DSCAM: variants seen among roughly 807,000 people sequenced by gnomAD.
DSCAM encodes the protein cell adhesion molecule DSCAM.
DSCAM carries 47 observed loss-of-function variants against 217.7 expected under a neutral mutation model. The observed-to-expected ratio is 0.22, with a 90% CI of 0.17 to 0.28. The LOEUF is 0.28. DSCAM is among the 10% of genes least tolerant of loss of function. DSCAM has a pLI of 1.00. For missense variants in DSCAM, 2,080 were observed against 2,618.3 expected, an observed-to-expected ratio of 0.79 and a Z score of 4.49; for synonymous variants, 1,056 against 1,015.3, an observed-to-expected ratio of 1.04 and a Z score of -0.76.
At chr21:40,650,943 G>A (rs1213001837) in intron 3 of DSCAM, among the ~76,000 whole-genome samples, 1 of 152,142 alleles carries the variant, frequency 6.6e-6, no homozygotes, top group African/African-American at 2.4e-5. Context: ...GAAAGGTGGA[G>A]CCTGGAGAGT....
Position 40,347,924 on chromosome 21 carries a change from C to G in DSCAM, c.956G>C (p.Ser319Thr). The G allele has an allele frequency of 6.2e-7, 1 of 1,612,940 alleles. No homozygotes were observed. Among genetic ancestry groups the G allele is most frequent in the Non-Finnish European group, 8.5e-7 (1 of 1,179,146 alleles). ...CACGCTGCTTTTAACCTTCCTGGGA[C>G]TGATGGTGGCTTTCAGTGGCTCTGG... The part of the protein sequence containing the change: ...YVKQPLKATI[S>T]PRKVKSSVGS... Residue 319 changes from serine to threonine, a missense_variant, in exon 6 of 33, where the codon AGT (serine) becomes ACT (threonine). Transcript: ENST00000400454.
chr21:40,691,607 C>T (rs1033330860), intron 3 of DSCAM, among the ~76,000 whole-genome samples: 3 of 152,216 alleles, frequency 2.0e-5, no homozygotes, highest in African/African-American at 7.2e-5. Flanking sequence ...CTGATTATTA[C>T]AATCGCATTT....
At position 40,237,354 on chromosome 21, in the gene DSCAM, TC is replaced by T. The variant is rs541420399; in HGVS notation, c.2356+38742del. Among the ~76,000 whole-genome samples the T allele has an allele frequency of 3.5e-4, 53 of 152,248 alleles. 2 individuals carry two copies. The South Asian group carries it at 0.011, about 32-fold the overall frequency. On this transcript the variant is annotated intron_variant, in intron 11 of 32. Coordinates refer to ENST00000400454, the MANE Select transcript of DSCAM (RefSeq NM_001389.5). The stretch of plus-strand genomic sequence containing the variant: ...ACATTAGGTATATCTCCTAATGCTA[TC>T]CCTCCCCTAGGCCCCCACCCTCTGA...
chr21:40,737,054 G>A (rs1056519859), intron 1 of DSCAM, among the ~76,000 whole-genome samples: 15 of 152,306 alleles, frequency 9.8e-5, no homozygotes, highest in African/African-American at 3.4e-4. Context: ...GCAAGTTGAT[G>A]CTACGGAACA....
chr21:40,452,542 A>G (rs557546977), intron 3 of DSCAM, among the ~76,000 whole-genome samples: 142 of 152,294 alleles, frequency 9.3e-4, no homozygotes, highest in African/African-American at 3.2e-3. Context: ...TTAGCATTAT[A>G]CAAAGTATAA....
At chr21:40,445,410 C>G (rs1295309238) in intron 3 of DSCAM, among the ~76,000 whole-genome samples, 1 of 152,220 alleles carries the variant, frequency 6.6e-6, no homozygotes, top group East Asian at 1.9e-4. Context: ...AAATCACATT[C>G]TGTTTCCATG....
At chr21:40,605,934 G>A (rs1402175748) in intron 3 of DSCAM, among the ~76,000 whole-genome samples, 4 of 151,102 alleles carry the variant, frequency 2.6e-5, no homozygotes, top group African/African-American at 9.7e-5. Context: ...CCGAGTAGCT[G>A]GGATTACAGG....
At chr21:40,468,740 T>C (rs1038532025) in intron 3 of DSCAM, among the ~76,000 whole-genome samples, 1 of 152,128 alleles carries the variant, frequency 6.6e-6, no homozygotes, top group Admixed American at 6.5e-5. Context: ...AAGATGGAAG[T>C]GTAGATATTT....
At chr21:40,304,957 T>C (rs191825120) in intron 9 of DSCAM, among the ~76,000 whole-genome samples, 2 of 152,290 alleles carry the variant, frequency 1.3e-5, no homozygotes, top group Admixed American at 1.3e-4. Flanking sequence ...TTTCAAATGT[T>C]GCAAGAATTA....
intron 19 of DSCAM, among the ~76,000 whole-genome samples, chr21:40,126,615 GAATA>G (rs1245615590): frequency 2.0e-5 from 3 of 152,172 alleles, no homozygotes. Context: ...AATGATTAGG[GAATA>G]AATACATATT....
At chr21:40,366,615 T>A (rs952622846) in intron 4 of DSCAM, among the ~76,000 whole-genome samples, 3 of 152,150 alleles carry the variant, frequency 2.0e-5, no homozygotes, top group Admixed American at 6.6e-5. Flanking sequence ...TTTTTAAAAA[T>A]TTTCATTCTT....
At chr21:40,780,713 GT>G (rs1316678359) in intron 1 of DSCAM, among the ~76,000 whole-genome samples, 1 of 151,940 alleles carries the variant, frequency 6.6e-6, no homozygotes, top group Non-Finnish European at 1.5e-5. Context: ...ATGTAGAGGG[GT>G]GGGCCTATAA....
At chr21:40,413,171 G>A (rs539661494) in intron 3 of DSCAM, among the ~76,000 whole-genome samples, 3 of 152,350 alleles carry the variant, frequency 2.0e-5, no homozygotes, top group Non-Finnish European at 2.9e-5. Context: ...CCTCTGCTAC[G>A]GCAGTGCAGA....
At chr21:40,279,441 G>C (rs1047327445) in intron 10 of DSCAM, among the ~76,000 whole-genome samples, 16 of 152,374 alleles carry the variant, frequency 1.1e-4, no homozygotes, top group South Asian at 6.2e-4. Flanking sequence ...TCTCATGCCA[G>C]TCACAATGGT....
chr21:40,600,691 TTTG>T (rs545265017), intron 3 of DSCAM, among the ~76,000 whole-genome samples: 1 of 152,338 alleles, frequency 6.6e-6, no homozygotes, highest in East Asian at 1.9e-4. Flanking sequence ...TTTGAGTTTT[TTTG>T]TTGTTGTTGT....
intron 1 of DSCAM, among the ~76,000 whole-genome samples, chr21:40,775,705 A>G (rs577059606): frequency 4.6e-5 from 7 of 152,266 alleles, no homozygotes; most frequent in African/African-American, 1.7e-4. Context: ...GAGGTTTTCA[A>G]CCTTGGACTG....
At chr21:40,253,217 A>C (rs1231610405) in intron 11 of DSCAM, among the ~76,000 whole-genome samples, 1 of 152,150 alleles carries the variant, frequency 6.6e-6, no homozygotes, top group African/African-American at 2.4e-5. Context: ...TCTGCAAGGC[A>C]TTGGGGAGCA....
At chr21:40,382,667 G>A (rs1017827580) in intron 3 of DSCAM, among the ~76,000 whole-genome samples, 4 of 152,144 alleles carry the variant, frequency 2.6e-5, no homozygotes, top group African/African-American at 9.7e-5. Flanking sequence ...GGTCCCTCGT[G>A]TCACTCCCAC....
chr21:40,744,109 T>C (rs2146547685), intron 1 of DSCAM, among the ~76,000 whole-genome samples: 1 of 152,218 alleles, frequency 6.6e-6, no homozygotes, highest in Admixed American at 6.5e-5. Flanking sequence ...AGACTCATGG[T>C]TTCTAAGGTG....
Sources: gnomAD v4.1 joint callset for allele counts (sites outside exome capture counted in the v4.1 genomes callset) on GRCh38, gnomAD v4.1.1 for gene constraint, MANE v1.5 for transcripts, NCBI Gene and HGNC (gene_info 2026-07-23, HGNC 2026-07-21) for gene names.